The following MDGA1 variants were observed in gnomAD, a reference collection of about 807,000 sequenced individuals.
The protein encoded by MDGA1 is MAM domain-containing glycosylphosphatidylinositol anchor protein 1.
Under a neutral mutation model 101.5 loss-of-function variants are expected in MDGA1, and 54 were observed. The ratio of observed to expected loss-of-function variants is 0.53; its 90% CI spans 0.43 to 0.67. The LOEUF (loss-of-function observed/expected upper bound fraction) is 0.67. MDGA1 is among the 30% of genes least tolerant of loss of function. The pLI is 0.00. For missense variants in MDGA1, 1,083 were observed against 1,323.8 expected (o/e 0.82, Z 2.82); for synonymous variants, 533 against 558.3 (o/e 0.95, Z 0.64).
intron 1 of MDGA1, among the ~76,000 whole-genome samples, chr6:37,684,309 G>A (rs796401682): frequency 9.8e-5 from 15 of 152,314 alleles, no homozygotes; most frequent in African/African-American, 9.6e-5. Context: ...AAGGGCGGGG[G>A]AAGCCCTGAC....
chr6:37,648,986 G>T lies in MDGA1; in HGVS notation c.1890C>A (p.Val630=). 1 of 1,552,948 alleles carries T rather than the reference G, an allele frequency of 6.4e-7. No individual in the cohort carries two copies. ...DVGSAACLFQ[V]SAKAYSPEFY... ...CGGGACCCACTGGACGCTCACCGGA[G>T]ACCTGGAAGAGGCAGGCAGCCGAGC... Residue 630 remains valine, a synonymous_variant, in exon 9 of 17, where the codon GTC becomes GTA. Transcript: ENST00000434837.
intron 1 of MDGA1, among the ~76,000 whole-genome samples, chr6:37,664,638 G>T (rs1258609010): frequency 3.2e-5 from 1 of 31,102 alleles, no homozygotes; most frequent in Admixed American, 3.0e-4. Flanking sequence ...CACACACAGA[G>T]GTGGGGTGAC....
chr6:37,669,240 A>G (rs1761820530), intron 1 of MDGA1, among the ~76,000 whole-genome samples: 1 of 152,200 alleles, frequency 6.6e-6, no homozygotes, highest in Non-Finnish European at 1.5e-5. Context: ...GTGTCTGGAT[A>G]CACAAAAACA....
At position 37,652,666 on chromosome 6, in the gene MDGA1, A is replaced by G. The variant is rs553988506; in HGVS notation, c.983-326T>C. 6.6e-6 allele frequency among the ~76,000 whole-genome samples: 1 copy of G among 152,358 alleles called. No individual in the cohort carries two copies. The highest frequency in any genetic ancestry group is 2.1e-4 in the South Asian group (1 of 4,834). ...CCAGAATCTCTGAAGGAGATGCTTT[A>G]TTACCCCCATTTTACAAAGAAGGGA... On this transcript the variant is annotated intron_variant, in intron 6 of 16. Transcript: ENST00000434837. This position sits in a 1 kb window ranked among gnomAD's most constrained non-coding sequence, Gnocchi z 4.3.
rs189400904 is a variant in MDGA1, at chr6:37,684,438, G to A, written c.67+12307C>T. Among the ~76,000 whole-genome samples the A allele has an allele frequency of 2.3e-3, 349 of 152,328 alleles. 1 individual carries two copies. Among genetic ancestry groups the A allele is most frequent in the African/African-American group, 8.0e-3 (332 of 41,568 alleles). ...AGAAATGAGGTTCACAGGGGTAGGG[G>A]AAGGATTATAGAGATGTGGGCACAC... On this transcript the variant is annotated intron_variant, in intron 1 of 16. Coordinates refer to ENST00000434837, the MANE Select transcript of MDGA1 (RefSeq NM_153487.4).
chr6:37,679,097 T>C (rs887257791), intron 1 of MDGA1, among the ~76,000 whole-genome samples: 1 of 152,330 alleles, frequency 6.6e-6, no homozygotes, highest in East Asian at 1.9e-4. Flanking sequence ...CTCTTATTTT[T>C]TCTCCATCAC....
chr6:37,638,150 C>T lies in MDGA1; in HGVS notation c.2776+55G>A, dbSNP rs1187042868. 1.0e-5 allele frequency: 15 copies of T among 1,473,404 alleles called. No individual in the cohort carries two copies. Among genetic ancestry groups the T allele is most frequent in the African/African-American group, 4.2e-5 (3 of 72,158 alleles). The allele number at this position is 1,473,404 out of a possible 1,614,324, so 91.3% of individuals were successfully genotyped here. ...CCCTCCCTCAACAGACAGGAACCCC[C>T]GCCACGCACAGCTCCCTCCAGATTC... On this transcript the variant is annotated intron_variant, in intron 16 of 16. Coordinates refer to ENST00000434837, the MANE Select transcript of MDGA1 (RefSeq NM_153487.4). This position sits in a 1 kb window ranked among gnomAD's most constrained non-coding sequence, Gnocchi z 4.8.
In MDGA1 at chr6:37,635,951, A is replaced by G. The variant is rs1763920817; in HGVS notation, c.*1417T>C. 5.1e-6 allele frequency: 2 copies of G among 391,304 alleles called. No individual in the cohort carries two copies. The highest frequency in any genetic ancestry group is 9.0e-6 in the Non-Finnish European group (2 of 221,610). The allele number at this position is 391,304 out of a possible 1,614,324, so 24.2% of individuals were successfully genotyped here. ...GGTCTCAATCCAGTCTCACAGGCAGATATGTGAGATTGCACACACAGACCT... is the reference window on the plus strand; with the variant it reads ...GGTCTCAATCCAGTCTCACAGGCAGGTATGTGAGATTGCACACACAGACCT... On this transcript the variant is annotated 3_prime_UTR_variant, in exon 17 of 17. Coordinates refer to ENST00000434837, the MANE Select transcript of MDGA1 (RefSeq NM_153487.4).
intron 12 of MDGA1, 78 bp from the exon 13 acceptor site, chr6:37,644,727 C>T (rs947454864): frequency 2.2e-6 from 3 of 1,365,588 alleles, no homozygotes; most frequent in Non-Finnish European, 1.9e-6. Flanking sequence ...TCTCACCCCC[C>T]AGAGGCAGCT....
rs1479498217 is a variant in MDGA1, at chr6:37,697,034, C to T, written c.-223G>A. Reference sequence around the variant, plus strand: ...CGCGTGGGGACGCAGGGGGCGCTGGCCCAGCCCCGGGTGCCTCGGCGCGCC... The same window carrying T: ...CGCGTGGGGACGCAGGGGGCGCTGGTCCAGCCCCGGGTGCCTCGGCGCGCC... On this transcript the variant is annotated 5_prime_UTR_variant, in exon 1 of 17. Transcript: ENST00000434837. 3.3e-5 allele frequency: 16 copies of T among 484,070 alleles called. No individual in the cohort carries two copies. The highest frequency in any genetic ancestry group is 5.1e-5 in the Non-Finnish European group (14 of 276,284). 30.0% of individuals were successfully genotyped at this position (484,070 alleles called of 1,614,324 possible).
At chr6:37,670,455 T>C (rs576449370) in intron 1 of MDGA1, among the ~76,000 whole-genome samples, 2 of 152,310 alleles carry the variant, frequency 1.3e-5, no homozygotes, top group South Asian at 4.1e-4. Flanking sequence ...GCATCCCCCT[T>C]CTCATGGTAC....
chr6:37,646,454 C>T (rs1761200664), intron 10 of MDGA1, 79 bp from the exon 11 acceptor site: 1 of 1,241,296 alleles, frequency 8.1e-7, no homozygotes, highest in African/African-American at 1.5e-5. Context: ...GACAATCACC[C>T]CTTCCGTGCC....
At chr6:37,654,745 CT>C in intron 5 of MDGA1, 54 bp downstream of exon 5, 1 of 1,607,338 alleles carries the variant, frequency 6.2e-7, no homozygotes. Flanking sequence ...GCACTATCTC[CT>C]GGTTGGGAGT....
Position 37,650,196 on chromosome 6 carries a change from T to A in MDGA1, c.1522A>T (p.Met508Leu), listed in dbSNP as rs766226287. 2 of 1,613,220 alleles carry A rather than the reference T, an allele frequency of 1.2e-6. No homozygotes were observed. Among genetic ancestry groups the A allele is most frequent in the Non-Finnish European group, 8.5e-7 (1 of 1,179,776 alleles). The change falls in exon 8 of 17, where the codon ATG (methionine) becomes TTG (leucine). Residue 508 changes from methionine to leucine, a missense_variant. Coordinates refer to ENST00000434837, the MANE Select transcript of MDGA1 (RefSeq NM_153487.4). ...KLRLERVSRD[M>L]SGTYRCQTAR... ...GTCTGGCAGCGGTAGGTCCCGCTCA[T>A]GTCTCGGCTCACTCGCTCCAGCCGC...
At chr6:37,642,151 A>G (rs1028110541) in intron 14 of MDGA1, among the ~76,000 whole-genome samples, 4 of 145,916 alleles carry the variant, frequency 2.7e-5, no homozygotes, top group African/African-American at 1.0e-4. Flanking sequence ...ATATATGTAT[A>G]TATATATATA....
chr6:37,655,968 C>G lies in MDGA1; in HGVS notation c.383-72G>C. The G allele has an allele frequency of 7.3e-7, 1 of 1,361,382 alleles. No homozygotes were observed. Among genetic ancestry groups the G allele is most frequent in the Non-Finnish European group, 9.9e-7 (1 of 1,006,198 alleles). 84.3% of individuals were successfully genotyped at this position (1,361,382 alleles called of 1,614,324 possible). On this transcript the variant is annotated intron_variant, in intron 3 of 16. Transcript: ENST00000434837. This position sits in a 1 kb window ranked among gnomAD's most constrained non-coding sequence, Gnocchi z 5.1. ...GTTGGGGGGCTCAGGCTCCTGGCAG[C>G]CCTTAGGAAGAGCTGAGCCACCCTC...
intron 9 of MDGA1, among the ~76,000 whole-genome samples, chr6:37,647,679 C>G (rs1310339943): frequency 6.7e-6 from 1 of 149,824 alleles, no homozygotes; most frequent in African/African-American, 2.5e-5. Flanking sequence ...GGGAAAGACA[C>G]AAGAGTCAGG....
At chr6:37,659,269 G>A (rs1055644763) in intron 2 of MDGA1, among the ~76,000 whole-genome samples, 1 of 152,202 alleles carries the variant, frequency 6.6e-6, no homozygotes. Flanking sequence ...CATGTTGTTT[G>A]AAGCCCCTAA....
At position 37,652,225 on chromosome 6, in the gene MDGA1, C is replaced by T. The variant is rs780197430; in HGVS notation, c.1098G>A (p.Lys366=). ...CATTCTTGAACCACTGGTAGGTCAC[C>T]TTCTCCTGGGGCACTGCATCCACGT... ...SCHVDAVPQE[K]VTYQWFKNGK... Residue 366 remains lysine (K), a synonymous_variant, in exon 7 of 17, where the codon AAG becomes AAA. Transcript: ENST00000434837. The surrounding 1 kb of genome is among the most constrained non-coding windows in gnomAD (Gnocchi z 4.3). The T allele has an allele frequency of 1.2e-6, 2 of 1,614,044 alleles. No individual in the cohort carries two copies. Among genetic ancestry groups the T allele is most frequent in the Non-Finnish European group, 1.7e-6 (2 of 1,179,910 alleles).
Sources: gnomAD v4.1 joint callset for allele counts (sites outside exome capture counted in the v4.1 genomes callset) on GRCh38, gnomAD v4.1.1 for gene constraint, Gnocchi (gnomAD v3.1) non-coding constraint, MANE v1.5 for transcripts, NCBI Gene and HGNC (gene_info 2026-07-23, HGNC 2026-07-21) for gene names.